FABP5: variants seen among roughly 807,000 people sequenced by gnomAD.
The protein encoded by FABP5 is fatty acid-binding protein 5.
A neutral mutation model predicts 16.9 loss-of-function variants in FABP5; 7 were observed. The ratio of observed to expected loss-of-function variants is 0.41; its 90% CI spans 0.24 to 0.78. FABP5 has a LOEUF of 0.78. FABP5 is among the 30% of genes least tolerant of loss of function. FABP5 has a pLI of 0.30. For synonymous variants in FABP5, 37 were observed against 52.8 expected (o/e 0.70, Z 1.30); for missense variants, 119 against 159.5 (o/e 0.75, Z 1.37).
In FABP5 at chr8:81,283,945, A is replaced by T; in HGVS notation, c.325A>T (p.Arg109Ter). 1 of 1,611,026 alleles carries T rather than the reference A, an allele frequency of 6.2e-7. No homozygotes were observed. Among genetic ancestry groups the T allele is most frequent in the Non-Finnish European group, 8.5e-7 (1 of 1,178,750 alleles). The change falls in exon 3 of 4, where the codon AGA becomes TGA. Residue 109 changes from arginine (R) to a stop codon, truncating the protein, a stop_gained. Coordinates refer to ENST00000297258, the MANE Select transcript of FABP5 (RefSeq NM_001444.3). LOFTEE classifies it high-confidence loss of function. ...EWDGKESTIT[R>*]KLKDGKLVVE... ...GGATGGGAAGGAAAGCACAATAACA[A>T]GAAAATTGAAAGATGGGAAATTAGT...
chr8:81,283,771 C>G, intron 2 of FABP5, 102 bp from the exon 3 acceptor site: 1 of 1,064,544 alleles, frequency 9.4e-7, no homozygotes, highest in Non-Finnish European at 1.4e-6. Flanking sequence ...GAAGTAGACT[C>G]AGAAAGGAGA....
Position 81,284,768 on chromosome 8 carries a change from T to G in FABP5, c.*201T>G. On this transcript the variant is annotated 3_prime_UTR_variant, in exon 4 of 4. Transcript: ENST00000297258. ...CCTTTGGTTAATAAATAAATGTGTTTGTGCTAATATATCTTGTATGCATTC... is the reference window on the plus strand; with the variant it reads ...CCTTTGGTTAATAAATAAATGTGTTGGTGCTAATATATCTTGTATGCATTC... 1 of 519,960 alleles carries G rather than the reference T, an allele frequency of 1.9e-6. No individual in the cohort carries two copies. The highest frequency in any genetic ancestry group is 3.5e-6 in the Non-Finnish European group (1 of 289,826). 32.2% of individuals were successfully genotyped at this position (519,960 alleles called of 1,614,324 possible).
chr8:81,281,971 G>T lies in FABP5; in HGVS notation c.79+1297G>T, dbSNP rs1479332302. Among the ~76,000 whole-genome samples, 1 of 152,098 alleles carries T rather than the reference G, an allele frequency of 6.6e-6. No homozygotes were observed. ...TACCGTGACCCTCTATTGATACCTG[G>T]TCGCCGTGGCACTTCGGAATCACTC... On this transcript the variant is annotated intron_variant, in intron 1 of 3. Coordinates refer to ENST00000297258, the MANE Select transcript of FABP5 (RefSeq NM_001444.3). The surrounding 1 kb of genome is among the most constrained non-coding windows in gnomAD (Gnocchi z 4.5).
At chr8:81,280,779 G>A (rs1487336663) in intron 1 of FABP5, 105 bp downstream of exon 1, 2 of 1,078,046 alleles carry the variant, frequency 1.9e-6, no homozygotes, top group South Asian at 1.4e-5. Flanking sequence ...GATGCTCGGC[G>A]GCCTACCCCC....
chr8:81,281,019 C>A lies in FABP5; in HGVS notation c.79+345C>A. ...TTTAGCGCGCGCACCCGTCACCTCA[C>A]GCTGCACTTCTTTCGACCCCCTCCA... On this transcript the variant is annotated intron_variant, in intron 1 of 3. Coordinates refer to ENST00000297258, the MANE Select transcript of FABP5 (RefSeq NM_001444.3). The surrounding 1 kb of genome is among the most constrained non-coding windows in gnomAD (Gnocchi z 4.5). 1 of 243,442 alleles carries A rather than the reference C, an allele frequency of 4.1e-6. No homozygotes were observed. Among genetic ancestry groups the A allele is most frequent in the Non-Finnish European group, 8.0e-6 (1 of 124,970 alleles). The allele number at this position is 243,442 out of a possible 1,614,324, so 15.1% of individuals were successfully genotyped here. A position where few individuals can be genotyped will look rare whatever the true frequency, so the allele number is the denominator to read the frequency against.
chr8:81,284,518 G>A lies in FABP5; in HGVS notation c.359G>A (p.Cys120Tyr). 1 of 1,600,800 alleles carries A rather than the reference G, an allele frequency of 6.2e-7. No individual in the cohort carries two copies. The highest frequency in any genetic ancestry group is 8.6e-7 in the Non-Finnish European group (1 of 1,169,534). ...KLKDGKLVVECVMNNVTCTRI... is the reference protein window; with the variant it reads ...KLKDGKLVVEYVMNNVTCTRI... ...TAATATCTTTCCTTCTTCTAGGAGT[G>A]TGTCATGAACAATGTCACCTGTACT... The change falls in exon 4 of 4, where the codon TGT becomes TAT. Residue 120 changes from cysteine to tyrosine, a missense_variant. Cys to Tyr is a radical substitution (Grantham distance 194). Coordinates refer to ENST00000297258, the MANE Select transcript of FABP5 (RefSeq NM_001444.3).
In FABP5 at chr8:81,280,553, C is replaced by T; in HGVS notation, c.-43C>T. 1 of 1,541,112 alleles carries T rather than the reference C, an allele frequency of 6.5e-7. No individual in the cohort carries two copies. The highest frequency in any genetic ancestry group is 8.8e-7 in the Non-Finnish European group (1 of 1,141,722). ...GGTGCCTCACAGCACGCTGCCACGC[C>T]GACGCAGACCCCTCTCTGCACGCCA... is the stretch of plus-strand genomic sequence containing the variant. On this transcript the variant is annotated 5_prime_UTR_variant, in exon 1 of 4. Coordinates refer to ENST00000297258, the MANE Select transcript of FABP5 (RefSeq NM_001444.3).
intron 1 of FABP5, chr8:81,280,949 T>C: frequency 2.4e-6 from 1 of 421,620 alleles, no homozygotes; most frequent in South Asian, 3.1e-5. Flanking sequence ...CCTCTGCTTC[T>C]TTCCCTTCGC....
rs762693488 is a variant in FABP5, at chr8:81,280,563, C to G, written c.-33C>G. ...AGCACGCTGCCACGCCGACGCAGACCCCTCTCTGCACGCCAGCCCGCCCGC... is the reference window on the plus strand; with the variant it reads ...AGCACGCTGCCACGCCGACGCAGACGCCTCTCTGCACGCCAGCCCGCCCGC... On this transcript the variant is annotated 5_prime_UTR_variant, in exon 1 of 4. Transcript: ENST00000297258. The G allele has an allele frequency of 1.3e-6, 2 of 1,545,606 alleles. No homozygotes were observed. Among genetic ancestry groups the G allele is most frequent in the Admixed American group, 2.0e-5 (1 of 50,804 alleles).
chr8:81,282,033 G>T (rs1309039621), intron 1 of FABP5, among the ~76,000 whole-genome samples: 1 of 152,152 alleles, frequency 6.6e-6, no homozygotes, highest in African/African-American at 2.4e-5. Flanking sequence ...GTGGTGTTAA[G>T]GCTGGTTTAT....
intron 1 of FABP5, among the ~76,000 whole-genome samples, chr8:81,282,532 G>A (rs1182742644): frequency 1.3e-5 from 2 of 152,130 alleles, no homozygotes; most frequent in Non-Finnish European, 2.9e-5. Context: ...ATTTGGCCTG[G>A]ATCTAAGATT....
At position 81,280,659 on chromosome 8, in the gene FABP5, T is replaced by C; in HGVS notation, c.64T>C (p.Tyr22His). The C allele has an allele frequency of 6.4e-7, 1 of 1,558,952 alleles. No individual in the cohort carries two copies. The highest frequency in any genetic ancestry group is 8.7e-7 in the Non-Finnish European group (1 of 1,150,558). The change falls in exon 1 of 4, where the codon TAC becomes CAC. Residue 22 changes from tyrosine to histidine, a missense_variant. Tyr to His is a moderately conservative substitution (Grantham distance 83). Coordinates refer to ENST00000297258, the MANE Select transcript of FABP5 (RefSeq NM_001444.3). ...GGTGGACAGCAAAGGCTTTGATGAA[T>C]ACATGAAGGAGCTAGGTGAGGCACC... ...RLVDSKGFDE[Y>H]MKELGVGIAL...
rs189177255 is a variant in FABP5 at position 81,281,062 on chromosome 8, C to A, written c.79+388C>A. The A allele has an allele frequency of 5.3e-6, 1 of 187,854 alleles. No homozygotes were observed. The highest frequency in any genetic ancestry group is 1.1e-5 in the Non-Finnish European group (1 of 90,944). 11.6% of individuals were successfully genotyped at this position (187,854 alleles called of 1,614,324 possible). On this transcript the variant is annotated intron_variant, in intron 1 of 3. Transcript: ENST00000297258. The surrounding 1 kb of genome is among the most constrained non-coding windows in gnomAD (Gnocchi z 4.5). The stretch of plus-strand genomic sequence containing the variant: ...CCCCTCCAGGCGACCCTGTATTTCC[C>A]TTTTTTCCCCCTTTACTCATCCTTC...
chr8:81,280,858 C>G (rs1449125397), intron 1 of FABP5, 184 bp downstream of exon 1: 1 of 584,582 alleles, frequency 1.7e-6, no homozygotes, highest in Non-Finnish European at 3.1e-6. Context: ...GGGCAGGCGG[C>G]GAGGAGCAGG....
Position 81,281,016 on chromosome 8 carries a change from T to C in FABP5, c.79+342T>C. On this transcript the variant is annotated intron_variant, in intron 1 of 3. Transcript: ENST00000297258. This position sits in a 1 kb window ranked among gnomAD's most constrained non-coding sequence, Gnocchi z 4.5. ...TCCTTTAGCGCGCGCACCCGTCACCTCACGCTGCACTTCTTTCGACCCCCT... is the reference window on the plus strand; with the variant it reads ...TCCTTTAGCGCGCGCACCCGTCACCCCACGCTGCACTTCTTTCGACCCCCT... The C allele has an allele frequency of 3.9e-6, 1 of 253,918 alleles. No individual in the cohort carries two copies. 15.7% of individuals were successfully genotyped at this position (253,918 alleles called of 1,614,324 possible).
Position 81,280,583 on chromosome 8 carries a change from G to T in FABP5, c.-13G>T. On this transcript the variant is annotated 5_prime_UTR_variant, in exon 1 of 4. Transcript: ENST00000297258. ...CAGACCCCTCTCTGCACGCCAGCCC[G>T]CCCGCACCCACCATGGCCACAGTTC... 5 of 1,551,372 alleles carry T rather than the reference G, an allele frequency of 3.2e-6. No homozygotes were observed. Among genetic ancestry groups the T allele is most frequent in the South Asian group, 1.2e-5 (1 of 84,032 alleles).
rs1306816781 is a variant in FABP5 at position 81,284,680 on chromosome 8, A to G, written c.*113A>G. 1 of 595,828 alleles carries G rather than the reference A, an allele frequency of 1.7e-6. No homozygotes were observed. 36.9% of individuals were successfully genotyped at this position (595,828 alleles called of 1,614,324 possible). A position where few individuals can be genotyped will look rare whatever the true frequency, so the allele number is the denominator to read the frequency against. On this transcript the variant is annotated 3_prime_UTR_variant, in exon 4 of 4. Transcript: ENST00000297258. Reference sequence around the variant, plus strand: ...TTTTTTTTCATTACTGTGTTCAATTATCTTTATCATAAACATTTTACATGC... The same window carrying G: ...TTTTTTTTCATTACTGTGTTCAATTGTCTTTATCATAAACATTTTACATGC...
chr8:81,283,603 T>G, intron 2 of FABP5, 65 bp downstream of exon 2: 1 of 1,461,282 alleles, frequency 6.8e-7, no homozygotes, highest in Non-Finnish European at 9.2e-7. Flanking sequence ...CAATAACATT[T>G]TACTGTTTAT....
chr8:81,283,804 G>A (rs1190982451), intron 2 of FABP5, 69 bp from the exon 3 acceptor site: 42 of 1,234,936 alleles, frequency 3.4e-5, no homozygotes, highest in Non-Finnish European at 4.7e-5. Flanking sequence ...TGTTGATTAA[G>A]GAGGTTATGA....
Sources: allele counts gnomAD v4.1 joint callset (sites outside exome capture counted in the v4.1 genomes callset), GRCh38; gene constraint gnomAD v4.1.1; non-coding constraint Gnocchi (gnomAD v3.1); transcripts MANE v1.5; gene names NCBI Gene and HGNC (gene_info 2026-07-23, HGNC 2026-07-21).